The following ITPKC variants were observed in gnomAD, a reference collection of about 807,000 sequenced individuals.
ITPKC encodes the protein inositol-trisphosphate 3-kinase C, also known as IP3 3-kinase C.
ITPKC carries 33 observed loss-of-function variants against 67.1 expected under a neutral mutation model. That is an observed-to-expected ratio of 0.49 (90% confidence interval 0.37 to 0.66). ITPKC has a LOEUF of 0.66. Ranked by LOEUF, ITPKC falls within the 30% of genes least tolerant of loss-of-function variation. ITPKC has a pLI of 0.00. For synonymous variants in ITPKC, 341 were observed against 359.8 expected, an observed-to-expected ratio of 0.95 and a Z score of 0.59; for missense variants, 820 against 892.1, an observed-to-expected ratio of 0.92 and a Z score of 1.03.
chr19:40,738,402 C>G (rs2082305488), intron 6 of ITPKC, among the ~76,000 whole-genome samples: 1 of 152,024 alleles, frequency 6.6e-6, no homozygotes, highest in East Asian at 1.9e-4. Context: ...GCACTCCAGC[C>G]TGGGCAACAG....
rs2290692 is a variant in ITPKC, at chr19:40,740,473, G to A, written c.*913G>A. ...ACTCAGGAGGGCCCCATCCAATCCC[G>A]GGCCCCTGCAGGGAAAAGCGCTGGG... On this transcript the variant is annotated 3_prime_UTR_variant, in exon 7 of 7. Coordinates refer to ENST00000263370, the MANE Select transcript of ITPKC (RefSeq NM_025194.3). 4.8e-3 allele frequency: 977 copies of A among 204,292 alleles called. 4 individuals are homozygous for A. Among genetic ancestry groups the A allele is most frequent in the Non-Finnish European group, 6.7e-3 (681 of 101,274 alleles). The allele number at this position is 204,292 out of a possible 1,614,324, so 12.7% of individuals were successfully genotyped here. A position where few individuals can be genotyped will look rare whatever the true frequency, so the allele number is the denominator to read the frequency against.
intron 3 of ITPKC, among the ~76,000 whole-genome samples, chr19:40,730,841 A>G (rs2082267412): frequency 6.6e-6 from 1 of 152,112 alleles, no homozygotes. Context: ...TCTGTGACCA[A>G]ATGTTTAGGT....
Position 40,740,618 on chromosome 19 carries a change from C to G in ITPKC, c.*1058C>G. ...CTAACGGCCCCTCCAGCACCCATAG[C>G]CAGGTCTTCCTGGCCCTTGAGGCTG... On this transcript the variant is annotated 3_prime_UTR_variant, in exon 7 of 7. Coordinates refer to ENST00000263370, the MANE Select transcript of ITPKC (RefSeq NM_025194.3). 1 of 251,380 alleles carries G rather than the reference C, an allele frequency of 4.0e-6. No individual in the cohort carries two copies. Among genetic ancestry groups the G allele is most frequent in the Non-Finnish European group, 7.6e-6 (1 of 131,594 alleles). The allele number at this position is 251,380 out of a possible 1,614,324, so 15.6% of individuals were successfully genotyped here. A position where few individuals can be genotyped will look rare whatever the true frequency, so the allele number is the denominator to read the frequency against.
intron 4 of ITPKC, among the ~76,000 whole-genome samples, chr19:40,736,070 G>T (rs4803361): frequency 0.76 from 114,688 of 151,846 alleles, 43,459 homozygotes; most frequent in African/African-American, 0.8. Context: ...GGCGGGCGGA[G>T]CATGAGGTCA....
In ITPKC at chr19:40,717,827, C is replaced by T; in HGVS notation, c.692C>T (p.Ser231Phe). ...GSWKELYTDG[S>F]RTQQDIEGPW... is the part of the protein sequence containing the mutation. Reference sequence around the variant, plus strand: ...TGGAAAGAATTGTATACTGATGGCTCCAGGACACAACAGGATATTGAAGGT... The same window carrying T: ...TGGAAAGAATTGTATACTGATGGCTTCAGGACACAACAGGATATTGAAGGT... Residue 231 changes from serine to phenylalanine, a missense_variant, in exon 1 of 7, where the codon TCC becomes TTC. Physicochemically the swap from Ser to Phe is radical, Grantham distance 155. Around this residue, in one of 2 missense-constraint regions of ITPKC, gnomAD observed 481 missense variants for 470.1 expected, o/e 1.02. Transcript: ENST00000263370. The T allele has an allele frequency of 6.2e-7, 1 of 1,614,070 alleles. No individual in the cohort carries two copies.
rs369519928 is a variant in ITPKC at position 40,724,947 on chromosome 19, T to TA, written c.1156-377dup. Among the ~76,000 whole-genome samples, 1,011 of 119,748 alleles carry TA rather than the reference T, an allele frequency of 8.4e-3. 7 individuals are homozygous for TA. The highest frequency in any genetic ancestry group is 0.026 in the Middle Eastern group (6 of 230). 78.6% of individuals were successfully genotyped at this position (119,748 alleles called of 152,430 possible). On this transcript the variant is annotated intron_variant, in intron 1 of 6. Transcript: ENST00000263370. ...TAGGTGACAGAGACCCTGTCTCAAT[T>TA]AAAAAAAAAAAAAAAAGAAGATTTG...
Position 40,717,371 on chromosome 19 carries a change from C to T in ITPKC, c.236C>T (p.Ala79Val). Residue 79 changes from alanine (A) to valine (V), a missense_variant, in exon 1 of 7, where the codon GCG becomes GTG. Physicochemically the swap from Ala to Val is moderately conservative, Grantham distance 64 (BLOSUM62 0). Around this residue, in one of 2 missense-constraint regions of ITPKC, gnomAD observed 481 missense variants for 470.1 expected, o/e 1.02. Transcript: ENST00000263370. ...CCTGAGAGGGCCGGCCTCGGGCCTGCGCCGGGGACAGAGAGTCCGCAGGCA... is the reference window on the plus strand; with the variant it reads ...CCTGAGAGGGCCGGCCTCGGGCCTGTGCCGGGGACAGAGAGTCCGCAGGCA... ...SEPERAGLGP[A>V]PGTESPQAEF... is the part of the protein sequence containing the mutation. 1.2e-6 allele frequency: 2 copies of T among 1,612,474 alleles called. No homozygotes were observed. The highest frequency in any genetic ancestry group is 1.1e-5 in the South Asian group (1 of 91,060).
In ITPKC at chr19:40,721,740, C is replaced by T. The variant is rs1398575504; in HGVS notation, c.1155+3450C>T. ...AGGGGCCAGGTGTGGTGGCTTATGC[C>T]TATAATCCCAGCACTTTGGGAGGCT... On this transcript the variant is annotated intron_variant, in intron 1 of 6. Coordinates refer to ENST00000263370, the MANE Select transcript of ITPKC (RefSeq NM_025194.3). Among the ~76,000 whole-genome samples, 5 of 151,916 alleles carry T rather than the reference C, an allele frequency of 3.3e-5. No individual in the cohort carries two copies. The South Asian group carries it at 1.0e-3, about 32-fold the overall frequency.
At chr19:40,736,240 A>G (rs953584447) in intron 4 of ITPKC, among the ~76,000 whole-genome samples, 1 of 152,010 alleles carries the variant, frequency 6.6e-6, no homozygotes, top group African/African-American at 2.4e-5. Flanking sequence ...CAGTGAGCCC[A>G]GGTTGCACCA....
chr19:40,721,894 G>A (rs1026302537), intron 1 of ITPKC, among the ~76,000 whole-genome samples: 4 of 151,920 alleles, frequency 2.6e-5, no homozygotes, highest in African/African-American at 7.2e-5. Flanking sequence ...CCAGCTATTC[G>A]GGAGGCTAAA....
chr19:40,717,469 A>G lies in ITPKC; in HGVS notation c.334A>G (p.Lys112Glu), dbSNP rs1259859083. The G allele has an allele frequency of 8.7e-6, 14 of 1,613,932 alleles. No individual in the cohort carries two copies. The highest frequency in any genetic ancestry group is 3.3e-5 in the Admixed American group (2 of 60,004). ...AGTAGAGACCGAGAGGCCCAAGCAA[A>G]AGACGGAGCCAGACAGGTCCAGCCT... The part of the protein sequence containing the change: ...LGVETERPKQ[K>E]TEPDRSSLRT... The change falls in exon 1 of 7, where the codon AAG (lysine) becomes GAG (glutamate). Residue 112 changes from lysine (K) to glutamate (E), a missense_variant. Coordinates refer to ENST00000263370, the MANE Select transcript of ITPKC (RefSeq NM_025194.3).
intron 1 of ITPKC, 24 bp downstream of exon 1, chr19:40,718,314 T>C (rs1319726809): frequency 6.7e-7 from 1 of 1,495,258 alleles, no homozygotes; most frequent in East Asian, 2.3e-5. Flanking sequence ...ATCCTGCCCT[T>C]GAGCCACATC....
chr19:40,733,845 G>A (rs2082282790), intron 4 of ITPKC, among the ~76,000 whole-genome samples: 1 of 152,184 alleles, frequency 6.6e-6, no homozygotes, highest in Admixed American at 6.5e-5. Context: ...CTTGAGGCCA[G>A]GAGTAGTTCA....
intron 1 of ITPKC, 48 bp from the exon 2 acceptor site, chr19:40,725,292 G>A: frequency 7.9e-7 from 1 of 1,266,792 alleles, no homozygotes; most frequent in Non-Finnish European, 1.2e-6. Flanking sequence ...TCTAGCCCCT[G>A]CCTTCCCTGG....
At chr19:40,734,935 C>T (rs2144752934) in intron 4 of ITPKC, among the ~76,000 whole-genome samples, 1 of 152,114 alleles carries the variant, frequency 6.6e-6, no homozygotes, top group East Asian at 1.9e-4. Flanking sequence ...GTGTGCACCA[C>T]CGCTCCTGGC....
Position 40,717,908 on chromosome 19 carries a change from C to G in ITPKC, c.773C>G (p.Ala258Gly), listed in dbSNP as rs538462093. Residue 258 changes from alanine (A) to glycine (G), a missense_variant, in exon 1 of 7, where the codon GCC (alanine) becomes GGC (glycine). Coordinates refer to ENST00000263370, the MANE Select transcript of ITPKC (RefSeq NM_025194.3). ...CAGAAAAAACAGGATACTGAAGCAGCCAGGAAACAGCCTGGCACTGGTGGT... is the reference window on the plus strand; with the variant it reads ...CAGAAAAAACAGGATACTGAAGCAGGCAGGAAACAGCCTGGCACTGGTGGT... ...GSQKKQDTEA[A>G]RKQPGTGGFQ... 34 of 1,614,126 alleles carry G rather than the reference C, an allele frequency of 2.1e-5. No homozygotes were observed. The South Asian group carries it at 3.6e-4, about 17-fold the overall frequency.
At chr19:40,722,810 TG>T (rs563415603) in intron 1 of ITPKC, among the ~76,000 whole-genome samples, 229 of 152,312 alleles carry the variant, frequency 1.5e-3, no homozygotes, top group African/African-American at 5.3e-3. Context: ...AGGGTCTCAC[TG>T]GGTCACCCAG....
Position 40,740,705 on chromosome 19 carries a change from TGAG to T in ITPKC, c.*1149_*1151del, listed in dbSNP as rs778760618. ...AAGCTCCCACACTGTCTTCCAGGGC[TGAG>T]GAGATGCTCTCCTTTTCTACTGACC... On this transcript the variant is annotated 3_prime_UTR_variant, in exon 7 of 7. Transcript: ENST00000263370. 4 of 352,754 alleles carry T rather than the reference TGAG, an allele frequency of 1.1e-5. No individual in the cohort carries two copies. Among genetic ancestry groups the T allele is most frequent in the Non-Finnish European group, 2.0e-5 (4 of 196,448 alleles). The allele number at this position is 352,754 out of a possible 1,614,324, so 21.9% of individuals were successfully genotyped here.
chr19:40,719,936 TTTC>T (rs999599493), intron 1 of ITPKC, among the ~76,000 whole-genome samples: 37 of 152,294 alleles, frequency 2.4e-4, no homozygotes, highest in African/African-American at 7.9e-4. Flanking sequence ...TTTTAAGTTT[TTTC>T]TTCTTTTTTT....
Sources: allele counts gnomAD v4.1 joint callset (sites outside exome capture counted in the v4.1 genomes callset), GRCh38; gene constraint gnomAD v4.1.1; regional missense constraint gnomAD v4.1.1; transcripts MANE v1.5; gene names NCBI Gene and HGNC (gene_info 2026-07-23, HGNC 2026-07-21).